The following BZW2 variants were observed in gnomAD, a reference collection of about 807,000 sequenced individuals.
The protein encoded by BZW2 is eIF5-mimic protein 1.
A neutral mutation model predicts 53.2 loss-of-function variants in BZW2; 23 were observed. The ratio of observed to expected loss-of-function variants is 0.43; its 90% CI spans 0.31 to 0.61. The LOEUF is 0.61. BZW2 is among the 20% of genes least tolerant of loss of function. The pLI, the probability that BZW2 is intolerant of heterozygous loss-of-function variation, is 0.09. For missense variants in BZW2, 409 were observed against 503.1 expected (o/e 0.81, Z 1.79); for synonymous variants, 227 against 186.4 (o/e 1.22, Z -1.77).
At chr7:16,652,364 T>G (rs1782005051) in intron 1 of BZW2, among the ~76,000 whole-genome samples, 1 of 152,198 alleles carries the variant, frequency 6.6e-6, no homozygotes, top group Non-Finnish European at 1.5e-5. Flanking sequence ...GCTAACTTGT[T>G]CTGCCCGATT....
intron 8 of BZW2, chr7:16,695,729 T>C (rs1237953257): frequency 1.3e-5 from 2 of 152,188 alleles, no homozygotes; most frequent in Admixed American, 6.5e-5. Flanking sequence ...TTCCACGTGC[T>C]CTAAAATGCC....
chr7:16,654,515 C>A (rs1163614689), intron 1 of BZW2, among the ~76,000 whole-genome samples: 1 of 140,328 alleles, frequency 7.1e-6, no homozygotes, highest in South Asian at 2.6e-4. Flanking sequence ...TATAACCCCC[C>A]CCCCCCAAAA....
chr7:16,657,840 T>A (rs1448417412), intron 1 of BZW2, among the ~76,000 whole-genome samples: 2 of 152,202 alleles, frequency 1.3e-5, no homozygotes, highest in African/African-American at 4.8e-5. Flanking sequence ...CATTGTTTCC[T>A]CTCTACAGTA....
At chr7:16,680,822 T>C (rs1448724952) in intron 3 of BZW2, among the ~76,000 whole-genome samples, 1 of 151,530 alleles carries the variant, frequency 6.6e-6, no homozygotes, top group Non-Finnish European at 1.5e-5. Context: ...AATAAAAAAA[T>C]AGGCCAGGTG....
intron 2 of BZW2, among the ~76,000 whole-genome samples, chr7:16,671,991 A>G (rs1289134323): frequency 2.6e-5 from 4 of 151,850 alleles, no homozygotes; most frequent in Non-Finnish European, 4.4e-5. Flanking sequence ...ACTTTTCCAT[A>G]AGAATTTTGA....
intron 9 of BZW2, 40 bp from the exon 10 acceptor site, chr7:16,698,008 C>T (rs753048227): frequency 3.7e-6 from 6 of 1,612,292 alleles, no homozygotes; most frequent in Non-Finnish European, 4.2e-6. Context: ...TCTGTACCTC[C>T]CACGCAAGTG....
At chr7:16,681,468 A>C in intron 4 of BZW2, 64 bp downstream of exon 4, 1 of 1,298,640 alleles carries the variant, frequency 7.7e-7, no homozygotes, top group East Asian at 2.3e-5. Flanking sequence ...TAGAAGCTCT[A>C]CAGTCCACCC....
intron 1 of BZW2, among the ~76,000 whole-genome samples, chr7:16,651,591 G>C (rs1032275707): frequency 2.0e-5 from 3 of 152,206 alleles, no homozygotes; most frequent in Non-Finnish European, 4.4e-5. Context: ...TGGAGGAAAA[G>C]GATGCGGTGT....
intron 7 of BZW2, among the ~76,000 whole-genome samples, chr7:16,692,313 A>G (rs1168844784): frequency 6.6e-6 from 1 of 152,218 alleles, no homozygotes; most frequent in Non-Finnish European, 1.5e-5. Flanking sequence ...TTCAATAAGT[A>G]TGTATCGATT....
chr7:16,664,619 A>ATG (rs1782364542), intron 1 of BZW2, among the ~76,000 whole-genome samples: 1 of 152,238 alleles, frequency 6.6e-6, no homozygotes, highest in African/African-American at 2.4e-5. Flanking sequence ...AGGATCAGAA[A>ATG]TGTGGTACAG....
intron 1 of BZW2, among the ~76,000 whole-genome samples, chr7:16,647,849 T>C (rs1175591835): frequency 3.9e-5 from 6 of 152,230 alleles, no homozygotes; most frequent in African/African-American, 1.4e-4. Flanking sequence ...GGGTACTTCA[T>C]TGCTAGTATT....
intron 1 of BZW2, among the ~76,000 whole-genome samples, chr7:16,657,000 T>C (rs538442409): frequency 6.6e-6 from 1 of 152,292 alleles, no homozygotes; most frequent in Non-Finnish European, 1.5e-5. Context: ...TCTCCCCTGC[T>C]CCAGCCTTGG....
chr7:16,662,991 A>G (rs1256607737), intron 1 of BZW2, among the ~76,000 whole-genome samples: 1 of 152,184 alleles, frequency 6.6e-6, no homozygotes, highest in Non-Finnish European at 1.5e-5. Context: ...AGATATGGAG[A>G]CAATAATATG....
intron 8 of BZW2, among the ~76,000 whole-genome samples, chr7:16,696,503 C>G (rs1391025187): frequency 6.6e-6 from 1 of 151,898 alleles, no homozygotes; most frequent in African/African-American, 2.4e-5. Flanking sequence ...CTGTACAAAC[C>G]CAAGATGGTA....
chr7:16,688,945 G>GCTGCGTGCAATGGCTCATGC (rs1362487457), intron 6 of BZW2, among the ~76,000 whole-genome samples: 1 of 152,042 alleles, frequency 6.6e-6, no homozygotes, highest in Non-Finnish European at 1.5e-5. Flanking sequence ...GCTTTTTATG[G>GCTGCGTGCAATGGCTCATGC]CTGCGTGCAA....
intron 1 of BZW2, among the ~76,000 whole-genome samples, chr7:16,646,934 T>G (rs1367688639): frequency 6.6e-6 from 1 of 152,112 alleles, no homozygotes; most frequent in African/African-American, 2.4e-5. Flanking sequence ...TCTTTGTAAC[T>G]CAGATCTTGA....
chr7:16,654,702 T>C (rs1782076914), intron 1 of BZW2, among the ~76,000 whole-genome samples: 1 of 131,362 alleles, frequency 7.6e-6, no homozygotes, highest in African/African-American at 2.6e-5. Flanking sequence ...GCCTGGCTAA[T>C]TGTTTTTTTT....
chr7:16,689,217 C>T (rs1783224979), intron 6 of BZW2, among the ~76,000 whole-genome samples: 1 of 152,072 alleles, frequency 6.6e-6, no homozygotes, highest in African/African-American at 2.4e-5. Context: ...CAGAGTGAGA[C>T]TCCATCCCCC....
chr7:16,660,006 C>A (rs569384061), intron 1 of BZW2, among the ~76,000 whole-genome samples: 5 of 151,898 alleles, frequency 3.3e-5, no homozygotes. Context: ...CCCCCTCCCC[C>A]ACCCCACAAC....
Sources: allele counts gnomAD v4.1 joint callset (sites outside exome capture counted in the v4.1 genomes callset), GRCh38; gene constraint gnomAD v4.1.1; transcripts MANE v1.5; gene names NCBI Gene and HGNC (gene_info 2026-07-23, HGNC 2026-07-21).